The following DIXDC1 variants were observed in gnomAD, a reference collection of about 807,000 sequenced individuals.
DIXDC1 encodes dixin.
DIXDC1 carries 64 observed loss-of-function variants against 103.1 expected under a neutral mutation model. The ratio of observed to expected loss-of-function variants is 0.62; its 90% confidence interval spans 0.51 to 0.76. DIXDC1 has a LOEUF of 0.76. Among genes scored for constraint, DIXDC1 ranks in the 30% least tolerant of loss-of-function variants. The pLI is 0.00. For missense variants in DIXDC1, 759 were observed against 834.2 expected (o/e 0.91, Z 1.11); for synonymous variants, 266 against 298.5 (o/e 0.89, Z 1.12).
chr11:111,996,541 G>A (rs768257504), intron 17 of DIXDC1, among the ~76,000 whole-genome samples: 1 of 152,128 alleles, frequency 6.6e-6, no homozygotes, highest in Non-Finnish European at 1.5e-5. Context: ...AATTTCTTTG[G>A]AGATATTCTT....
chr11:111,995,295 T>C (rs1272373107), intron 15 of DIXDC1, 108 bp from the exon 16 acceptor site: 1 of 1,478,536 alleles, frequency 6.8e-7, no homozygotes. Context: ...ATAGGCCTGC[T>C]TCTGTGGGGG....
chr11:111,986,984 C>T lies in DIXDC1; in HGVS notation c.1062+60C>T. On this transcript the variant is annotated intron_variant, in intron 9 of 19. Transcript: ENST00000440460. ...ACATTATGGGGGCCAGGCACGGTGGCTCGCGCCTGTAATCCCAGCACTTTG... is the reference window on the plus strand; with the variant it reads ...ACATTATGGGGGCCAGGCACGGTGGTTCGCGCCTGTAATCCCAGCACTTTG... 5 of 1,424,324 alleles carry T rather than the reference C, an allele frequency of 3.5e-6. No individual in the cohort carries two copies. In the Middle Eastern group the frequency reaches 9.0e-4, roughly 257 times the overall value. The allele number at this position is 1,424,324 out of a possible 1,614,324, so 88.2% of individuals were successfully genotyped here.
At chr11:111,988,148 A>C (rs1387215949) in intron 9 of DIXDC1, among the ~76,000 whole-genome samples, 2 of 151,086 alleles carry the variant, frequency 1.3e-5, no homozygotes, top group Non-Finnish European at 3.0e-5. Flanking sequence ...TCAGGAACAC[A>C]CCACCATACC....
At chr11:112,001,820 G>A (rs760486041) in intron 17 of DIXDC1, among the ~76,000 whole-genome samples, 11 of 148,764 alleles carry the variant, frequency 7.4e-5, no homozygotes, top group Non-Finnish European at 1.5e-4. Flanking sequence ...GCAATGACAC[G>A]ATCTCAGCTC....
In DIXDC1 at chr11:111,994,907, A is replaced by C. The variant is rs1292955451; in HGVS notation, c.1438-112A>C. 2.5e-5 allele frequency: 25 copies of C among 1,016,814 alleles called. No homozygotes were observed. The East Asian group carries it at 5.3e-4, about 21-fold the overall frequency. The allele number at this position is 1,016,814 out of a possible 1,614,324, so 63.0% of individuals were successfully genotyped here. A position where few individuals can be genotyped will look rare whatever the true frequency, so the allele number is the denominator to read the frequency against. ...ATTCTAATAAAGAGAGCCATTAAAC[A>C]GACAATTATATACTTCATCAGGAAG... On this transcript the variant is annotated intron_variant, in intron 14 of 19. Transcript: ENST00000440460.
At chr11:111,949,311 T>G (rs1966698124) in intron 1 of DIXDC1, among the ~76,000 whole-genome samples, 1 of 152,148 alleles carries the variant, frequency 6.6e-6, no homozygotes, top group Non-Finnish European at 1.5e-5. Context: ...TAGCTCAGAC[T>G]CTCTCAAAAC....
chr11:111,954,228 C>G (rs1555170355), intron 1 of DIXDC1, among the ~76,000 whole-genome samples: 1 of 152,108 alleles, frequency 6.6e-6, no homozygotes. Context: ...TAATGGGAGA[C>G]AGTGACAGAT....
chr11:111,981,628 C>T (rs587700601), intron 6 of DIXDC1, among the ~76,000 whole-genome samples: 10 of 152,320 alleles, frequency 6.6e-5, no homozygotes, highest in Admixed American at 5.9e-4. Flanking sequence ...CATAAGTTAC[C>T]TCATTTAATC....
chr11:111,982,291 A>T (rs1555173306), intron 6 of DIXDC1, 48 bp from the exon 7 acceptor site: 1 of 1,587,732 alleles, frequency 6.3e-7, no homozygotes, highest in South Asian at 1.1e-5. Flanking sequence ...GTCTGCTGGA[A>T]ATCAGTTTTC....
Position 111,968,543 on chromosome 11 carries a change from G to C in DIXDC1, c.221G>C (p.Ser74Thr). The C allele has an allele frequency of 6.2e-7, 1 of 1,613,258 alleles. No individual in the cohort carries two copies. The highest frequency in any genetic ancestry group is 8.5e-7 in the Non-Finnish European group (1 of 1,179,604). The change falls in exon 3 of 20, where the codon AGT becomes ACT. Residue 74 changes from serine (S) to threonine (T), a missense_variant. By Grantham distance (58) the Ser-to-Thr change is moderately conservative (BLOSUM62 1). Around this residue, in one of 3 missense-constraint regions of DIXDC1, gnomAD observed 97 missense variants for 85.4 expected, o/e 1.14. Coordinates refer to ENST00000440460, the MANE Select transcript of DIXDC1 (RefSeq NM_001037954.4). ...AGEKLSGVQL[S>T]PGNQQEMKNN... ...GAAAAGCTGAGTGGGGTACAGCTGAGTCCCGGTAACCAACAGGAGATGAAG... is the reference window on the plus strand; with the variant it reads ...GAAAAGCTGAGTGGGGTACAGCTGACTCCCGGTAACCAACAGGAGATGAAG...
intron 1 of DIXDC1, 43 bp downstream of exon 1, chr11:111,937,602 G>T: frequency 6.5e-7 from 1 of 1,549,302 alleles, no homozygotes; most frequent in Non-Finnish European, 8.7e-7. Flanking sequence ...CCCTCCCCCA[G>T]CGTCTCCCGC....
intron 2 of DIXDC1, among the ~76,000 whole-genome samples, chr11:111,930,125 A>G (rs1320664): frequency 0.49 from 74,451 of 151,946 alleles, 20,756 homozygotes; most frequent in African/African-American, 0.77. Flanking sequence ...AATAAGGCAG[A>G]GGTTGAGAAA....
At chr11:112,012,930 A>G (rs1566581261) in intron 17 of DIXDC1, among the ~76,000 whole-genome samples, 1 of 152,242 alleles carries the variant, frequency 6.6e-6, no homozygotes, top group Non-Finnish European at 1.5e-5. Flanking sequence ...ATTTGACATC[A>G]TGATTACTCT....
chr11:111,952,745 A>G (rs979405057), intron 1 of DIXDC1, among the ~76,000 whole-genome samples: 7 of 147,062 alleles, frequency 4.8e-5, no homozygotes, highest in African/African-American at 1.8e-4. Flanking sequence ...GCTTGAACCC[A>G]GGAGGCGGTG....
chr11:111,977,428 G>A lies in DIXDC1; in HGVS notation c.656+2445G>A. 1 of 1,205,106 alleles carries A rather than the reference G, an allele frequency of 8.3e-7. No individual in the cohort carries two copies. The highest frequency in any genetic ancestry group is 1.0e-6 in the Non-Finnish European group (1 of 967,134). 74.7% of individuals were successfully genotyped at this position (1,205,106 alleles called of 1,614,324 possible). On this transcript the variant is annotated intron_variant, in intron 5 of 19. Coordinates refer to ENST00000440460, the MANE Select transcript of DIXDC1 (RefSeq NM_001037954.4). This position sits in a 1 kb window ranked among gnomAD's most constrained non-coding sequence, Gnocchi z 6.1. ...ATGCCCCCGCCAGGGGGGATGCCCGGCACCGTGCGTCCGCGGAGGCCAAGA... is the reference window on the plus strand; with the variant it reads ...ATGCCCCCGCCAGGGGGGATGCCCGACACCGTGCGTCCGCGGAGGCCAAGA...
At chr11:112,011,561 C>T (rs1861421394) in intron 17 of DIXDC1, among the ~76,000 whole-genome samples, 1 of 152,276 alleles carries the variant, frequency 6.6e-6, no homozygotes, top group South Asian at 2.1e-4. Flanking sequence ...CCCAAATGTC[C>T]ATCAATGATA....
intron 12 of DIXDC1, 64 bp downstream of exon 12, chr11:111,993,068 T>A: frequency 6.6e-7 from 1 of 1,511,402 alleles, no homozygotes; most frequent in Non-Finnish European, 9.0e-7. Flanking sequence ...CCGTTATTGT[T>A]GCTCAAAAAG....
intron 1 of DIXDC1, among the ~76,000 whole-genome samples, chr11:111,929,062 C>T (rs1300347077): frequency 6.6e-6 from 1 of 152,096 alleles, no homozygotes; most frequent in South Asian, 2.1e-4. Context: ...GCCTGTAGTT[C>T]CAGCTACTCG....
At chr11:112,018,918 C>A in intron 19 of DIXDC1, 38 bp from the exon 20 acceptor site, 1 of 1,565,598 alleles carries the variant, frequency 6.4e-7, no homozygotes, top group Non-Finnish European at 8.8e-7. Flanking sequence ...AATCAGATTC[C>A]CTGTTTTTTC....
Sources: allele counts gnomAD v4.1 joint callset (sites outside exome capture counted in the v4.1 genomes callset), GRCh38; gene constraint gnomAD v4.1.1; regional missense constraint gnomAD v4.1.1; non-coding constraint Gnocchi (gnomAD v3.1); transcripts MANE v1.5; gene names NCBI Gene and HGNC (gene_info 2026-07-23, HGNC 2026-07-21).